UPRT: variants seen among roughly 807,000 people sequenced by gnomAD.
The protein encoded by UPRT is RP11-311P8.3.
UPRT carries 5 observed loss-of-function variants against 22.6 expected under a neutral mutation model. That is an observed-to-expected ratio of 0.22 (90% CI 0.12 to 0.47). The LOEUF (loss-of-function observed/expected upper bound fraction) is 0.47. UPRT is among the 20% of genes least tolerant of loss of function. The probability of loss-of-function intolerance (pLI) is 0.99; values close to 1 mark genes in which losing one functional copy is unlikely to be tolerated. For missense variants in UPRT, 181 were observed against 239.9 expected (o/e 0.75, Z 1.62); for synonymous variants, 77 against 87.7 (o/e 0.88, Z 0.68).
chrX:75,223,665 C>T (rs1038431404), intron 4 of UPRT, among the ~76,000 whole-genome samples: 4 of 111,447 alleles, frequency 3.6e-5, no homozygotes, highest in Admixed American at 2.9e-4. Context: ...CTGCAGTTTC[C>T]CTCTCCCAAA....
intron 2 of UPRT, among the ~76,000 whole-genome samples, chrX:75,295,949 A>G (rs1208874123): frequency 8.9e-6 from 1 of 111,996 alleles, no homozygotes; most frequent in Non-Finnish European, 1.9e-5. Flanking sequence ...AATGATTTCC[A>G]AGGTACTGAA....
At chrX:75,255,021 C>T (rs1026402536) in intron 4 of UPRT, among the ~76,000 whole-genome samples, 3 of 110,334 alleles carry the variant, frequency 2.7e-5, no homozygotes, top group Admixed American at 1.9e-4. Flanking sequence ...ATGATCCACC[C>T]GCCTCGGCCT....
intron 2 of UPRT, chrX:75,294,742 C>T: frequency 2.7e-6 from 1 of 366,483 alleles, no homozygotes; most frequent in Non-Finnish European, 3.8e-6. Flanking sequence ...ATAGTTACGT[C>T]ATTCTGTCTT....
At chrX:75,249,034 T>C (rs1028308699) in intron 4 of UPRT, among the ~76,000 whole-genome samples, 1 of 111,421 alleles carries the variant, frequency 9.0e-6, no homozygotes, top group Non-Finnish European at 1.9e-5. Flanking sequence ...CCACCAGGCC[T>C]GCCCTAAAAG....
chrX:75,177,962 C>A (rs1481632758), intron 4 of UPRT, among the ~76,000 whole-genome samples: 3 of 112,140 alleles, frequency 2.7e-5, no homozygotes, highest in African/African-American at 9.7e-5. Context: ...GCATTAGGAC[C>A]CAGAGGGCAA....
chrX:75,290,399 T>C (rs766259753), intron 1 of UPRT, among the ~76,000 whole-genome samples: 1 of 112,009 alleles, frequency 8.9e-6, no homozygotes, highest in African/African-American at 3.2e-5. Flanking sequence ...GTTTCAAGAT[T>C]TCTCAAATTA....
chrX:75,250,258 T>C (rs1196278435), intron 4 of UPRT, among the ~76,000 whole-genome samples: 18 of 109,540 alleles, frequency 1.6e-4, no homozygotes, highest in East Asian at 5.7e-4. Context: ...TTCAAAAAAT[T>C]AATGAATTCA....
chrX:75,276,444 C>T (rs1172910576), intron 1 of UPRT, among the ~76,000 whole-genome samples: 1 of 111,406 alleles, frequency 9.0e-6, no homozygotes, highest in Non-Finnish European at 1.9e-5. Flanking sequence ...TTGAAAACTA[C>T]TGTGGTTATG....
intron 4 of UPRT, among the ~76,000 whole-genome samples, chrX:75,184,288 C>T (rs144627885): frequency 0.029 from 3,214 of 112,003 alleles, 112 homozygotes; most frequent in African/African-American, 0.1. Context: ...GGAATCCTTT[C>T]CCCATTGCTT....
At chrX:75,164,552 G>T (rs1458198376) in intron 3 of UPRT, among the ~76,000 whole-genome samples, 2 of 111,715 alleles carry the variant, frequency 1.8e-5, no homozygotes, top group South Asian at 3.7e-4. Flanking sequence ...CCATTTATAT[G>T]AAATGGCCAG....
chrX:75,169,079 C>A (rs776707547), intron 4 of UPRT, among the ~76,000 whole-genome samples: 1 of 111,761 alleles, frequency 8.9e-6, no homozygotes, highest in Non-Finnish European at 1.9e-5. Context: ...AGTCTCCAAT[C>A]CCATCCAGGT....
chrX:75,300,479 T>C (rs2082740209), intron 5 of UPRT, among the ~76,000 whole-genome samples: 1 of 112,156 alleles, frequency 8.9e-6, no homozygotes, highest in Non-Finnish European at 1.9e-5. Context: ...GATTGCTATA[T>C]TGCTCTTACT....
intron 1 of UPRT, among the ~76,000 whole-genome samples, chrX:75,281,326 A>G (rs1420691469): frequency 1.8e-5 from 2 of 111,465 alleles, no homozygotes; most frequent in Non-Finnish European, 3.8e-5. Flanking sequence ...TGAGGGTGGC[A>G]TCCTTGTCTT....
intron 4 of UPRT, among the ~76,000 whole-genome samples, chrX:75,265,442 AC>A (rs1326111283): frequency 9.0e-6 from 1 of 111,430 alleles, no homozygotes; most frequent in East Asian, 2.8e-4. Context: ...ATCTTCCATC[AC>A]TTATACCCTT....
intron 4 of UPRT, among the ~76,000 whole-genome samples, chrX:75,187,794 C>A (rs184687520): frequency 8.9e-6 from 1 of 112,130 alleles, no homozygotes; most frequent in Admixed American, 9.5e-5. Context: ...TGCTGATACC[C>A]TTTCTTCCAG....
intron 4 of UPRT, among the ~76,000 whole-genome samples, chrX:75,258,808 C>G (rs902430496): frequency 6.2e-5 from 7 of 112,015 alleles, no homozygotes; most frequent in Non-Finnish European, 1.3e-4. Context: ...TCCCTGACCC[C>G]CATGTATCCT....
intron 4 of UPRT, among the ~76,000 whole-genome samples, chrX:75,234,485 T>A (rs1341090531): frequency 1.8e-5 from 2 of 111,583 alleles, no homozygotes; most frequent in East Asian, 2.8e-4. Flanking sequence ...GAATATACAT[T>A]TTTTTCAGCA....
intron 4 of UPRT, among the ~76,000 whole-genome samples, chrX:75,176,847 C>G (rs770672218): frequency 1.8e-5 from 2 of 111,277 alleles, no homozygotes; most frequent in African/African-American, 6.5e-5. Flanking sequence ...CAGAAAAGAT[C>G]AAACTGCAGG....
At chrX:75,201,600 G>A (rs1475470906) in intron 4 of UPRT, 2 of 115,806 alleles carry the variant, frequency 1.7e-5, no homozygotes, top group African/African-American at 6.4e-5. Flanking sequence ...ATTAAAGAAG[G>A]CTATGCAGGA....
Sources: allele counts gnomAD v4.1 joint callset (sites outside exome capture counted in the v4.1 genomes callset), GRCh38; gene constraint gnomAD v4.1.1; transcripts MANE v1.5; gene names NCBI Gene and HGNC (gene_info 2026-07-23, HGNC 2026-07-21).